Variants in RANBP2 observed in about 807,000 individuals in gnomAD.
RANBP2 encodes the protein RAN binding protein 2.
In RANBP2, 57 loss-of-function variants were observed where a neutral mutation model predicts 303.6. The observed-to-expected ratio is 0.19, with a 90% CI of 0.15 to 0.23. The LOEUF (loss-of-function observed/expected upper bound fraction) is 0.23. Among genes scored for constraint, RANBP2 ranks in the 10% least tolerant of loss-of-function variants. RANBP2 has a pLI of 1.00. For missense variants in RANBP2, 3,138 were observed against 3,780.8 expected, an observed-to-expected ratio of 0.83 and a Z score of 4.46; for synonymous variants, 1,167 against 1,301.5, an observed-to-expected ratio of 0.90 and a Z score of 2.23.
chr2:109,506,115 A>G, the RANBP2 span, among the ~76,000 whole-genome samples: 1 of 152,142 alleles, frequency 6.6e-6, no homozygotes, highest in Non-Finnish European at 1.5e-5. Flanking sequence ...GAGTCAGGGC[A>G]TTATCTGAAC....
At chr2:108,814,264 T>G in the RANBP2 span, among the ~76,000 whole-genome samples, 1 of 152,220 alleles carries the variant, frequency 6.6e-6, no homozygotes, top group African/African-American at 2.4e-5. Flanking sequence ...CTCCACAACC[T>G]TGTCAACATT....
the RANBP2 span, among the ~76,000 whole-genome samples, chr2:108,955,304 C>T: frequency 6.6e-6 from 1 of 151,886 alleles, no homozygotes; most frequent in Non-Finnish European, 1.5e-5. Flanking sequence ...ACAGTAAGTG[C>T]TAATGAATGC....
the RANBP2 span, among the ~76,000 whole-genome samples, chr2:109,422,672 A>G: frequency 6.6e-6 from 1 of 152,184 alleles, no homozygotes; most frequent in African/African-American, 2.4e-5. Context: ...AAGCAGAAAT[A>G]TGATTGTCTG....
chr2:109,131,304 G>A, the RANBP2 span, among the ~76,000 whole-genome samples: 4 of 152,018 alleles, frequency 2.6e-5, no homozygotes, highest in African/African-American at 9.7e-5. Flanking sequence ...AGTCACTGGG[G>A]GTCACTTGGG....
At chr2:109,517,513 C>T in the RANBP2 span, among the ~76,000 whole-genome samples, 4 of 152,170 alleles carry the variant, frequency 2.6e-5, no homozygotes, top group Non-Finnish European at 4.4e-5. Context: ...CTGGCTGCTG[C>T]TTGCTTCAGC....
chr2:109,575,285 T>C, the RANBP2 span, among the ~76,000 whole-genome samples: 5 of 152,206 alleles, frequency 3.3e-5, no homozygotes, highest in African/African-American at 1.2e-4. Flanking sequence ...ACTGAGAAAA[T>C]GCATAGGCAT....
chr2:108,864,204 C>A, the RANBP2 span, among the ~76,000 whole-genome samples: 2 of 151,908 alleles, frequency 1.3e-5, no homozygotes, highest in Non-Finnish European at 2.9e-5. Context: ...GGGATAAAAT[C>A]TAACCCACCA....
the RANBP2 span, among the ~76,000 whole-genome samples, chr2:109,394,565 C>G: frequency 6.6e-6 from 1 of 152,210 alleles, no homozygotes. Context: ...TTGATGTTAT[C>G]ATTTTGTTTC....
chr2:109,042,229 A>G, the RANBP2 span, among the ~76,000 whole-genome samples: 1 of 152,196 alleles, frequency 6.6e-6, no homozygotes, highest in Non-Finnish European at 1.5e-5. Flanking sequence ...ATAGCATTTT[A>G]CTTATTCCAG....
the RANBP2 span, chr2:109,737,343 C>G: frequency 2.9e-6 from 2 of 689,256 alleles, no homozygotes; most frequent in Middle Eastern, 7.9e-4. Flanking sequence ...TGACGGTCAC[C>G]ACCCCTTCGC....
the RANBP2 span, among the ~76,000 whole-genome samples, chr2:109,688,355 G>T: frequency 6.6e-6 from 1 of 152,100 alleles, no homozygotes. Context: ...CTCTGTGAAG[G>T]CTCTCCAGTG....
chr2:109,160,492 C>T, the RANBP2 span, among the ~76,000 whole-genome samples: 2 of 152,256 alleles, frequency 1.3e-5, no homozygotes, highest in South Asian at 2.1e-4. Context: ...GAAAGACCCT[C>T]TGGCAGGGAG....
the RANBP2 span, among the ~76,000 whole-genome samples, chr2:109,239,900 T>C: frequency 4.6e-5 from 7 of 152,050 alleles, no homozygotes; most frequent in Non-Finnish European, 8.8e-5. Flanking sequence ...AGGTGAGGAG[T>C]CACTCAATCA....
chr2:108,991,575 C>T, the RANBP2 span, among the ~76,000 whole-genome samples: 2 of 152,220 alleles, frequency 1.3e-5, no homozygotes, highest in Non-Finnish European at 2.9e-5. Context: ...CTGCCCCCTT[C>T]ATGAGGTGTG....
the RANBP2 span, among the ~76,000 whole-genome samples, chr2:108,796,681 G>A: frequency 1.3e-5 from 2 of 152,178 alleles, no homozygotes; most frequent in Admixed American, 1.3e-4. Context: ...AGCATAGATA[G>A]AATTGGAGGT....
At chr2:109,027,193 G>A in the RANBP2 span, among the ~76,000 whole-genome samples, 118 of 137,352 alleles carry the variant, frequency 8.6e-4, no homozygotes, top group African/African-American at 2.8e-3. Context: ...AGTGAGCCAA[G>A]ATTTGCACCA....
chr2:109,152,449 A>G, the RANBP2 span, among the ~76,000 whole-genome samples: 7 of 152,262 alleles, frequency 4.6e-5, no homozygotes, highest in African/African-American at 1.7e-4. Context: ...CGAGAGCATA[A>G]TAGCCTTGTT....
chr2:109,616,836 C>T, the RANBP2 span: 2 of 167,182 alleles, frequency 1.2e-5, no homozygotes, highest in South Asian at 4.1e-4. Context: ...AAAGAGAACA[C>T]TTAGCAGCCT....
chr2:109,532,143 T>C, the RANBP2 span, among the ~76,000 whole-genome samples: 1 of 152,174 alleles, frequency 6.6e-6, no homozygotes, highest in East Asian at 1.9e-4. Context: ...TGGAGAAGGC[T>C]TGGGAGGATG....
Sources: gnomAD v4.1 joint callset for allele counts (sites outside exome capture counted in the v4.1 genomes callset) on GRCh38, gnomAD v4.1.1 for gene constraint, MANE v1.5 for transcripts, NCBI Gene and HGNC (gene_info 2026-07-23, HGNC 2026-07-21) for gene names.